KIAA0319L: variants seen among roughly 807,000 people sequenced by gnomAD.
KIAA0319L encodes the protein dyslexia-associated protein KIAA0319-like protein.
A neutral mutation model predicts 120.1 loss-of-function variants in KIAA0319L; 55 were observed. The ratio of observed to expected loss-of-function variants is 0.46; its 90% CI spans 0.37 to 0.57. The LOEUF is 0.57. Ranked by LOEUF, KIAA0319L falls within the 20% of genes least tolerant of loss-of-function variation. KIAA0319L has a pLI of 0.00. For synonymous variants in KIAA0319L, 398 were observed against 471.9 expected (o/e 0.84, Z 2.03); for missense variants, 1,049 against 1,255.3 (o/e 0.84, Z 2.48).
At chr1:35,454,586 C>A in intron 10 of KIAA0319L, 101 bp from the exon 11 acceptor site, 3 of 1,530,788 alleles carry the variant, frequency 2.0e-6, no homozygotes, top group Non-Finnish European at 2.6e-6. Context: ...AAACCAAAGA[C>A]CTAAGATGGT....
rs191663687 is a variant in KIAA0319L at position 35,536,166 on chromosome 1, A to G, written c.142+18184T>C. Among the ~76,000 whole-genome samples the G allele has an allele frequency of 4.9e-4, 75 of 152,342 alleles. 1 individual carries two copies. The highest frequency in any genetic ancestry group is 6.8e-3 in the Middle Eastern group (2 of 294). ...ATGAGCTTTTCCAATTAAATTGGGGAGTGCACTGAATAGGAAATATGAGAG... is the reference window on the plus strand; with the variant it reads ...ATGAGCTTTTCCAATTAAATTGGGGGGTGCACTGAATAGGAAATATGAGAG... On this transcript the variant is annotated intron_variant, in intron 2 of 20. Coordinates refer to ENST00000325722, the MANE Select transcript of KIAA0319L (RefSeq NM_024874.5).
intron 3 of KIAA0319L, among the ~76,000 whole-genome samples, chr1:35,487,977 A>G (rs559568152): frequency 6.6e-6 from 1 of 152,164 alleles, no homozygotes; most frequent in Non-Finnish European, 1.5e-5. Flanking sequence ...CTCACTTTCA[A>G]GCCCTCCTGC....
chr1:35,529,127 T>A (rs1245323595), intron 2 of KIAA0319L, among the ~76,000 whole-genome samples: 1 of 152,184 alleles, frequency 6.6e-6, no homozygotes, highest in Non-Finnish European at 1.5e-5. Context: ...GGTCTCAAAC[T>A]CCCAGGCTCA....
chr1:35,461,772 C>G (rs1642910738), intron 8 of KIAA0319L, among the ~76,000 whole-genome samples: 1 of 152,060 alleles, frequency 6.6e-6, no homozygotes, highest in Non-Finnish European at 1.5e-5. Context: ...TTCTACCACT[C>G]TCTATCACAA....
At chr1:35,461,763 T>G (rs1642910023) in intron 8 of KIAA0319L, among the ~76,000 whole-genome samples, 1 of 152,120 alleles carries the variant, frequency 6.6e-6, no homozygotes. Flanking sequence ...GTGAGCCCTT[T>G]CTACCACTCT....
chr1:35,435,103 C>T (rs1381748223), intron 20 of KIAA0319L, 22 bp from the exon 21 acceptor site: 1 of 1,608,852 alleles, frequency 6.2e-7, no homozygotes, highest in Non-Finnish European at 8.5e-7. Context: ...ACAAGGAATC[C>T]AGCATCAGGA....
At chr1:35,536,281 C>A (rs1413302273) in intron 2 of KIAA0319L, among the ~76,000 whole-genome samples, 1 of 152,208 alleles carries the variant, frequency 6.6e-6, no homozygotes, top group African/African-American at 2.4e-5. Flanking sequence ...CCTTTCCTGT[C>A]TAAACTCTAA....
At chr1:35,441,271 A>G in intron 19 of KIAA0319L, 133 bp from the exon 20 acceptor site, 1 of 733,118 alleles carries the variant, frequency 1.4e-6, no homozygotes, top group Non-Finnish European at 2.4e-6. Context: ...CTCACTTCTC[A>G]GCCAGGAAAG....
intron 3 of KIAA0319L, among the ~76,000 whole-genome samples, chr1:35,486,145 T>C (rs2148338747): frequency 6.6e-6 from 1 of 152,274 alleles, no homozygotes; most frequent in Non-Finnish European, 1.5e-5. Context: ...CGCTTTGAGA[T>C]GCCGAGGCAG....
At chr1:35,459,424 G>A (rs1191652066) in intron 9 of KIAA0319L, among the ~76,000 whole-genome samples, 2 of 151,766 alleles carry the variant, frequency 1.3e-5, no homozygotes, top group African/African-American at 4.8e-5. Flanking sequence ...GGCTAACACG[G>A]TCTCTACTAA....
intron 3 of KIAA0319L, among the ~76,000 whole-genome samples, chr1:35,500,621 T>C (rs900471062): frequency 2.0e-5 from 3 of 152,250 alleles, no homozygotes; most frequent in Non-Finnish European, 2.9e-5. Flanking sequence ...ACAATTTCTC[T>C]CCACTTTGGA....
chr1:35,536,450 A>T (rs994337473), intron 2 of KIAA0319L, among the ~76,000 whole-genome samples: 1 of 152,246 alleles, frequency 6.6e-6, no homozygotes, highest in African/African-American at 2.4e-5. Flanking sequence ...AGTGGAGAAT[A>T]GCTTCCCAGT....
At chr1:35,477,486 T>C (rs1178513486) in intron 4 of KIAA0319L, among the ~76,000 whole-genome samples, 1 of 151,868 alleles carries the variant, frequency 6.6e-6, no homozygotes, top group African/African-American at 2.4e-5. Flanking sequence ...GCTAACACGG[T>C]GAAACCGCAT....
Position 35,478,861 on chromosome 1 carries a change from A to T in KIAA0319L, c.913+105T>A. On this transcript the variant is annotated intron_variant, in intron 4 of 20. Transcript: ENST00000325722. The stretch of plus-strand genomic sequence containing the variant: ...ATGACAGAGTTATTTTTTCTCTAAC[A>T]CACAGTATTCAAGTTATGCCTCCCT... The T allele has an allele frequency of 1.4e-5, 19 of 1,333,500 alleles. No individual in the cohort carries two copies. The South Asian group carries it at 2.6e-4, about 18-fold the overall frequency. The allele number at this position is 1,333,500 out of a possible 1,614,324, so 82.6% of individuals were successfully genotyped here.
At chr1:35,553,277 C>G (rs1647429147) in intron 2 of KIAA0319L, among the ~76,000 whole-genome samples, 1 of 151,228 alleles carries the variant, frequency 6.6e-6, no homozygotes, top group South Asian at 2.1e-4. Flanking sequence ...AAATCAATTA[C>G]TTATTTAATT....
chr1:35,525,561 ATCTCAT>A (rs1404336046), intron 2 of KIAA0319L, among the ~76,000 whole-genome samples: 23 of 152,222 alleles, frequency 1.5e-4, no homozygotes, highest in African/African-American at 5.3e-4. Context: ...GTAAGATGAT[ATCTCAT>A]TGTGGTTTTG....
chr1:35,454,189 A>G (rs552633598), intron 11 of KIAA0319L, 173 bp downstream of exon 11: 19 of 591,912 alleles, frequency 3.2e-5, no homozygotes, highest in Non-Finnish European at 4.3e-5. Flanking sequence ...AGTATCCTTC[A>G]TCTCTAGCTA....
At position 35,451,122 on chromosome 1, in the gene KIAA0319L, C is replaced by T. The variant is rs559378882; in HGVS notation, c.2062+506G>A. Among the ~76,000 whole-genome samples, 50 of 152,228 alleles carry T rather than the reference C, an allele frequency of 3.3e-4. 1 individual carries two copies. The highest frequency in any genetic ancestry group is 3.4e-3 in the Middle Eastern group (1 of 294). ...AAGGCCCTCAACTTAAGGCCCTCTC[C>T]CACAGCTCTCACTGGTCACTGTGCC... On this transcript the variant is annotated intron_variant, in intron 13 of 20. Transcript: ENST00000325722.
Position 35,450,489 on chromosome 1 carries a change from CTA to C in KIAA0319L, c.2081_2082del (p.Ile694SerfsTer22). On this transcript the variant is annotated frameshift_variant, in exon 14 of 21. Coordinates refer to ENST00000325722, the MANE Select transcript of KIAA0319L (RefSeq NM_024874.5). LOFTEE classifies it high-confidence loss of function. ...IVKEEINKPP[I>X]AKITGNVVIT... is the part of the protein sequence containing the mutation. ...ATCACCACATTCCCAGTTATCTTGGCTATAGGTGGTTTGTTTATTTCTAATCA... is the reference window on the plus strand; with the variant it reads ...ATCACCACATTCCCAGTTATCTTGGCTAGGTGGTTTGTTTATTTCTAATCA... The C allele has an allele frequency of 6.2e-7, 1 of 1,613,330 alleles. No homozygotes were observed.
Sources: gnomAD v4.1 joint callset for allele counts (sites outside exome capture counted in the v4.1 genomes callset) on GRCh38, gnomAD v4.1.1 for gene constraint, MANE v1.5 for transcripts, NCBI Gene and HGNC (gene_info 2026-07-23, HGNC 2026-07-21) for gene names.